TKTL1: variants seen among roughly 807,000 people sequenced by gnomAD.
TKTL1 encodes transketolase like 1.
Under a neutral mutation model 39.3 loss-of-function variants are expected in TKTL1, and 1 was observed. That is an observed-to-expected ratio of 0.03 (90% CI 0.01 to 0.12). TKTL1 has a LOEUF of 0.12. TKTL1 is among the 10% of genes least tolerant of loss of function. The pLI is 1.00. For missense variants in TKTL1, 575 were observed against 509.6 expected, an observed-to-expected ratio of 1.13 and a Z score of -1.24; for synonymous variants, 262 against 193.8, an observed-to-expected ratio of 1.35 and a Z score of -2.92.
At position 154,312,732 on chromosome X, in the gene TKTL1, G is replaced by A; in HGVS notation, c.823G>A (p.Val275Ile). The A allele has an allele frequency of 2.5e-6, 3 of 1,210,986 alleles. No individual in the cohort carries two copies. The highest frequency in any genetic ancestry group is 3.0e-5 in the East Asian group (1 of 33,851). Residue 275 changes from valine (V) to isoleucine (I), a missense_variant, in exon 6 of 13, where the codon GTA becomes ATA. By Grantham distance (29) the Val-to-Ile change is conservative (BLOSUM62 3). Coordinates refer to ENST00000369915, the MANE Select transcript of TKTL1 (RefSeq NM_012253.4). ...EDSPEVNITD[V>I]RMTSPPDYRV... ...CTCACCTGAAGTCAACATCACAGAT[G>A]TAAGGATGACCTCTCCACCTGATTA...
intron 7 of TKTL1, among the ~76,000 whole-genome samples, 189 bp downstream of exon 7, chrX:154,315,526 A>C (rs2067392454): frequency 9.0e-6 from 1 of 111,716 alleles, no homozygotes; most frequent in Non-Finnish European, 1.9e-5. Flanking sequence ...GGAGGGCCGT[A>C]ATAGACTACT....
chrX:154,297,200 G>A (rs951729298), intron 1 of TKTL1, among the ~76,000 whole-genome samples: 8 of 111,842 alleles, frequency 7.2e-5, no homozygotes, highest in African/African-American at 1.3e-4. Context: ...GCTAGTATGC[G>A]GTTGATGGTT....
At chrX:154,299,683 G>GT (rs1557165493) in intron 1 of TKTL1, among the ~76,000 whole-genome samples, 1 of 111,091 alleles carries the variant, frequency 9.0e-6, no homozygotes, top group African/African-American at 3.3e-5. Context: ...CCACTTACAA[G>GT]TGAAAACATA....
chrX:154,297,661 G>A (rs868963912), intron 1 of TKTL1, among the ~76,000 whole-genome samples: 7 of 111,276 alleles, frequency 6.3e-5, no homozygotes, highest in African/African-American at 1.6e-4. Context: ...TGGAGAGGTC[G>A]GGCGTGGTGG....
chrX:154,323,241 T>C lies in TKTL1; in HGVS notation c.1221T>C (p.Asp407=). 1 of 1,211,389 alleles carries C rather than the reference T, an allele frequency of 8.3e-7. No individual in the cohort carries two copies. The highest frequency in any genetic ancestry group is 1.1e-6 in the Non-Finnish European group (1 of 895,335). The change falls in exon 9 of 13, where the codon GAT becomes GAC. Residue 407 remains aspartate (D), a synonymous_variant. Coordinates refer to ENST00000369915, the MANE Select transcript of TKTL1 (RefSeq NM_012253.4). ...GTGCTTCCCAGATGGCCCTGGAGGA[T>C]ATAGCCATGTTCCGAACCATTCCCA... ...DDGASQMALE[D]IAMFRTIPKC...
rs917771455 is a variant in TKTL1 at position 154,297,930 on chromosome X, T to G, written c.134+1937T>G. Among the ~76,000 whole-genome samples the G allele has an allele frequency of 2.7e-5, 3 of 111,974 alleles. No individual in the cohort carries two copies. The East Asian group carries it at 8.4e-4, about 32-fold the overall frequency. ...AAAAAAAAATTTTTTTTTGAGGAGTTTGAAGAAGACTGTTGTTAATTTTTC... is the reference window on the plus strand; with the variant it reads ...AAAAAAAAATTTTTTTTTGAGGAGTGTGAAGAAGACTGTTGTTAATTTTTC... On this transcript the variant is annotated intron_variant, in intron 1 of 12. Transcript: ENST00000369915.
intron 1 of TKTL1, among the ~76,000 whole-genome samples, chrX:154,299,382 C>T (rs1290985183): frequency 9.2e-6 from 1 of 108,875 alleles, no homozygotes; most frequent in Non-Finnish European, 1.9e-5. Flanking sequence ...CTCAAACTCC[C>T]GACCTCAGGT....
chrX:154,296,454 G>A (rs1008905043), intron 1 of TKTL1, among the ~76,000 whole-genome samples: 3 of 110,909 alleles, frequency 2.7e-5, no homozygotes, highest in African/African-American at 6.6e-5. Flanking sequence ...AGGATAAAAA[G>A]CAATTAAAAT....
At chrX:154,306,042 C>T (rs2067312316) in intron 2 of TKTL1, among the ~76,000 whole-genome samples, 1 of 111,053 alleles carries the variant, frequency 9.0e-6, no homozygotes, top group African/African-American at 3.3e-5. Flanking sequence ...TGCAGTGGCT[C>T]ACGCCTGTAC....
intron 9 of TKTL1, among the ~76,000 whole-genome samples, chrX:154,324,706 C>G (rs1319551310): frequency 9.0e-6 from 1 of 111,717 alleles, no homozygotes; most frequent in Non-Finnish European, 1.9e-5. Context: ...ATGCATTTCA[C>G]TGCAGCTGAG....
intron 8 of TKTL1, among the ~76,000 whole-genome samples, chrX:154,321,123 A>C (rs1408950927): frequency 1.8e-5 from 2 of 110,508 alleles, no homozygotes; most frequent in Admixed American, 9.6e-5. Context: ...GTTGTTTCAG[A>C]CAGTGAGAAA....
At chrX:154,322,830 G>A (rs1557171157) in intron 8 of TKTL1, among the ~76,000 whole-genome samples, 1 of 111,915 alleles carries the variant, frequency 8.9e-6, no homozygotes, top group African/African-American at 3.2e-5. Flanking sequence ...ATATAGAAAA[G>A]ATAGAGCAGA....
At chrX:154,300,415 T>C (rs781859028) in intron 1 of TKTL1, among the ~76,000 whole-genome samples, 48 of 112,591 alleles carry the variant, frequency 4.3e-4, no homozygotes, top group African/African-American at 1.5e-3. Flanking sequence ...GCATGAGATA[T>C]CTTTGTTTGT....
chrX:154,317,896 G>T (rs782116889), intron 7 of TKTL1, among the ~76,000 whole-genome samples: 2 of 110,743 alleles, frequency 1.8e-5, no homozygotes, highest in South Asian at 3.9e-4. Flanking sequence ...CAGGAGCTCT[G>T]TGTGGGCCTG....
chrX:154,326,635 A>G (rs1557172042), intron 10 of TKTL1, among the ~76,000 whole-genome samples: 1 of 112,698 alleles, frequency 8.9e-6, no homozygotes, highest in Admixed American at 9.4e-5. Context: ...TGGAAAAGTT[A>G]GTGTTCACCT....
chrX:154,296,018 G>A (rs367784390), intron 1 of TKTL1, 25 bp downstream of exon 1: 68 of 1,204,947 alleles, frequency 5.6e-5, no homozygotes, highest in Non-Finnish European at 7.1e-5. Context: ...TTGAAGTCTG[G>A]GTCATGCAGG....
At chrX:154,301,059 C>T (rs782155188) in intron 1 of TKTL1, among the ~76,000 whole-genome samples, 1 of 110,803 alleles carries the variant, frequency 9.0e-6, no homozygotes, top group East Asian at 2.8e-4. Flanking sequence ...TTCCTCTTCT[C>T]CAATTTGGAT....
chrX:154,320,836 C>G lies in TKTL1; in HGVS notation c.1109C>G (p.Ala370Gly), dbSNP rs1557170516. The change falls in exon 8 of 13, where the codon GCA becomes GGA. Residue 370 changes from alanine (A) to glycine (G), a missense_variant. Ala to Gly is a moderately conservative substitution (Grantham distance 60). Transcript: ENST00000369915. ...ACCTTTGCTGCCTTTCTGACTCGAG[C>G]ATTTGATCACATCCGGATAGGAGGC... ...ASTFAAFLTR[A>G]FDHIRIGGLA... is the part of the protein sequence containing the mutation. 3.3e-6 allele frequency: 4 copies of G among 1,210,883 alleles called. No homozygotes were observed. In the South Asian group the frequency reaches 7.0e-5, roughly 21 times the overall value.
intron 1 of TKTL1, among the ~76,000 whole-genome samples, chrX:154,302,331 A>G (rs1325318706): frequency 5.4e-5 from 6 of 111,529 alleles, no homozygotes; most frequent in Non-Finnish European, 1.1e-4. Flanking sequence ...CAAATCAGTT[A>G]TCACTTAGGG....
Sources: allele counts gnomAD v4.1 joint callset (sites outside exome capture counted in the v4.1 genomes callset), GRCh38; gene constraint gnomAD v4.1.1; transcripts MANE v1.5; gene names NCBI Gene and HGNC (gene_info 2026-07-23, HGNC 2026-07-21).